The following TSNARE1 variants were observed in gnomAD, a reference collection of about 807,000 sequenced individuals.
The protein encoded by TSNARE1 is t-SNARE domain containing 1.
Under a neutral mutation model 62.0 loss-of-function variants are expected in TSNARE1, and 49 were observed. The observed-to-expected ratio is 0.79, with a 90% CI of 0.63 to 1.00. The LOEUF is 1.00. Ranked by LOEUF, TSNARE1 falls within the 50% of genes least tolerant of loss-of-function variation. The probability of loss-of-function intolerance (pLI) is 0.00; values close to 1 mark genes in which losing one functional copy is unlikely to be tolerated. For synonymous variants in TSNARE1, 328 were observed against 294.4 expected (o/e 1.11, Z -1.17); for missense variants, 755 against 700.1 (o/e 1.08, Z -0.88).
chr8:142,372,467 T>C (rs1284257385), intron 1 of TSNARE1, among the ~76,000 whole-genome samples: 1 of 151,924 alleles, frequency 6.6e-6, no homozygotes, highest in Non-Finnish European at 1.5e-5. Flanking sequence ...TCTTTAAGAG[T>C]GGGCACACTG....
chr8:142,258,959 GC>G (rs1818726752), intron 12 of TSNARE1, among the ~76,000 whole-genome samples: 1 of 152,140 alleles, frequency 6.6e-6, no homozygotes, highest in African/African-American at 2.4e-5. Flanking sequence ...CATCACCGGG[GC>G]CCTACTCCCA....
intron 10 of TSNARE1, among the ~76,000 whole-genome samples, chr8:142,296,910 T>C (rs555144128): frequency 1.8e-4 from 28 of 152,180 alleles, no homozygotes; most frequent in African/African-American, 6.5e-4. Context: ...TGCTCTCCAC[T>C]GTCTCCCGTG....
intron 6 of TSNARE1, among the ~76,000 whole-genome samples, chr8:142,324,135 C>G (rs1829871777): frequency 6.6e-6 from 1 of 152,208 alleles, no homozygotes; most frequent in Non-Finnish European, 1.5e-5. Context: ...TTTGTCACCT[C>G]AAGAGAAGCT....
chr8:142,326,201 A>C (rs1207901325), intron 6 of TSNARE1: 1 of 165,046 alleles, frequency 6.1e-6, no homozygotes, highest in Non-Finnish European at 1.3e-5. Flanking sequence ...AGGAACCAGC[A>C]CCAGCGAAGG....
chr8:142,248,621 T>A (rs1445696044), intron 12 of TSNARE1, among the ~76,000 whole-genome samples: 1 of 152,202 alleles, frequency 6.6e-6, no homozygotes, highest in Non-Finnish European at 1.5e-5. Flanking sequence ...AACTGGGGAC[T>A]CGTGGCGCTG....
chr8:142,357,689 G>A (rs183243761), intron 1 of TSNARE1, among the ~76,000 whole-genome samples: 1 of 152,362 alleles, frequency 6.6e-6, no homozygotes, highest in African/African-American at 2.4e-5. Flanking sequence ...GTGCAGGGAT[G>A]AGCCCAGAGG....
chr8:142,243,788 G>T (rs1023969745), intron 12 of TSNARE1, among the ~76,000 whole-genome samples: 1 of 152,072 alleles, frequency 6.6e-6, no homozygotes, highest in African/African-American at 2.4e-5. Context: ...TGGAGGGATG[G>T]GTATGTGAAT....
chr8:142,277,580 C>T (rs1014639852), intron 11 of TSNARE1: 1 of 985,332 alleles, frequency 1.0e-6, no homozygotes, highest in African/African-American at 1.7e-5. Context: ...TTCCTACTTC[C>T]TGCCTCTGCG....
intron 9 of TSNARE1, 140 bp from the exon 10 acceptor site, chr8:142,300,784 G>A: frequency 2.8e-5 from 23 of 823,382 alleles, no homozygotes; most frequent in Admixed American, 1.1e-4. Flanking sequence ...GTCTGAGGCG[G>A]GGGCCTTCTG....
chr8:142,383,852 A>G (rs769887064), intron 1 of TSNARE1, among the ~76,000 whole-genome samples: 1 of 152,224 alleles, frequency 6.6e-6, no homozygotes, highest in African/African-American at 2.4e-5. Flanking sequence ...TACCAAATTA[A>G]CAAAAAGTTT....
In TSNARE1 at chr8:142,311,290, G is replaced by GTTTTTTTTTTTTTTTT. The variant is rs58755110; in HGVS notation, c.1131+3078_1131+3093dup. ...CGATTCTCCTGCCTCAGCCTCTCTA[G>GTTTTTTTTTTTTTTTT]TTTTTTTTTTTTTTTTTTTTTTTTG... On this transcript the variant is annotated intron_variant, in intron 9 of 13. Coordinates refer to ENST00000524325, the MANE Select transcript of TSNARE1 (RefSeq NM_145003.5). 5.1e-4 allele frequency among the ~76,000 whole-genome samples: 29 copies of GTTTTTTTTTTTTTTTT among 57,348 alleles called. 2 individuals carry two copies. The highest frequency in any genetic ancestry group is 1.4e-3 in the African/African-American group (15 of 10,732). 37.6% of individuals were successfully genotyped at this position (57,348 alleles called of 152,430 possible).
chr8:142,328,821 G>GGCC (rs1253406653), intron 6 of TSNARE1, among the ~76,000 whole-genome samples: 1 of 120,714 alleles, frequency 8.3e-6, no homozygotes, highest in African/African-American at 3.2e-5. Context: ...AGGCCTTTGG[G>GGCC]GGGGGGGAGG....
chr8:142,219,385 C>T (rs1277483609), intron 13 of TSNARE1, among the ~76,000 whole-genome samples: 2 of 152,182 alleles, frequency 1.3e-5, no homozygotes, highest in Non-Finnish European at 2.9e-5. Context: ...CCCCCAGGCA[C>T]AGCTTCTAAT....
At chr8:142,254,705 AC>A (rs1361288132) in intron 12 of TSNARE1, among the ~76,000 whole-genome samples, 2 of 152,208 alleles carry the variant, frequency 1.3e-5, no homozygotes, top group Middle Eastern at 3.2e-3. Context: ...CCCTGGCCTC[AC>A]CACCTGCCAG....
intron 12 of TSNARE1, among the ~76,000 whole-genome samples, chr8:142,258,472 T>C (rs578117572): frequency 7.1e-6 from 1 of 140,604 alleles, no homozygotes; most frequent in Non-Finnish European, 1.5e-5. Context: ...GCTGCAGAAC[T>C]TGTGCTTTTT....
intron 12 of TSNARE1, among the ~76,000 whole-genome samples, chr8:142,237,499 C>G (rs1280534154): frequency 6.6e-6 from 1 of 152,258 alleles, no homozygotes; most frequent in Non-Finnish European, 1.5e-5. Context: ...CAGGCCCTGG[C>G]TCTCTCCACC....
intron 13 of TSNARE1, among the ~76,000 whole-genome samples, chr8:142,215,399 G>C (rs554606505): frequency 3.8e-4 from 58 of 152,166 alleles, no homozygotes; most frequent in Non-Finnish European, 7.4e-4. Context: ...ATGGTGGTCA[G>C]GGAGCAGCCT....
rs1586766641 is a variant in TSNARE1, at chr8:142,222,900, T to TCA, written c.*11+6572_*11+6573insTG. On this transcript the variant is annotated intron_variant, in intron 13 of 13. Transcript: ENST00000524325. ...CTTACTCATCCACTCACTCATTCAC[T>TCA]TACTCATCCACTCATTCACTCATTC... 2.1e-4 allele frequency among the ~76,000 whole-genome samples: 15 copies of TCA among 71,420 alleles called. No homozygotes were observed. In the East Asian group the frequency reaches 8.1e-3, roughly 39 times the overall value. The allele number at this position is 71,420 out of a possible 152,430, so 46.9% of individuals were successfully genotyped here. A position where few individuals can be genotyped will look rare whatever the true frequency, so the allele number is the denominator to read the frequency against.
chr8:142,256,178 TCAC>T lies in TSNARE1; in HGVS notation c.1446+18600_1446+18602del, dbSNP rs1460483977. Reference sequence around the variant, plus strand: ...GTCACCATCACCACCACCATCACCATCACCACCACCATCATCACCACCACCACT... The same window carrying T: ...GTCACCATCACCACCACCATCACCATCACCACCATCATCACCACCACCACT... On this transcript the variant is annotated intron_variant, in intron 12 of 13. Transcript: ENST00000524325. Among the ~76,000 whole-genome samples, 13 of 47,792 alleles carry T rather than the reference TCAC, an allele frequency of 2.7e-4. No individual in the cohort carries two copies. The South Asian group carries it at 3.0e-3, about 11-fold the overall frequency. The allele number at this position is 47,792 out of a possible 152,430, so 31.4% of individuals were successfully genotyped here.
Sources: gnomAD v4.1 joint callset for allele counts (sites outside exome capture counted in the v4.1 genomes callset) on GRCh38, gnomAD v4.1.1 for gene constraint, MANE v1.5 for transcripts, NCBI Gene and HGNC (gene_info 2026-07-23, HGNC 2026-07-21) for gene names.